Variants in ARHGEF28 observed in about 807,000 individuals in gnomAD.
ARHGEF28 encodes the protein Rho guanine nucleotide exchange factor 28, also known as 190 kDa guanine nucleotide exchange factor.
In ARHGEF28, 152 loss-of-function variants were observed where a neutral mutation model predicts 206.6. That is an observed-to-expected ratio of 0.74 (90% CI 0.64 to 0.84). The LOEUF (loss-of-function observed/expected upper bound fraction) is 0.84, where lower values mean the gene tolerates loss of function less well. ARHGEF28 is among the 40% of genes least tolerant of loss of function. The probability of loss-of-function intolerance (pLI) is 0.00; values close to 1 mark genes in which losing one functional copy is unlikely to be tolerated. For missense variants in ARHGEF28, 2,028 were observed against 2,073.2 expected (o/e 0.98, Z 0.42); for synonymous variants, 763 against 776.4 (o/e 0.98, Z 0.29).
At chr5:73,854,436 A>G (rs747773031) in intron 14 of ARHGEF28, among the ~76,000 whole-genome samples, 37 of 152,138 alleles carry the variant, frequency 2.4e-4, no homozygotes, top group Non-Finnish European at 4.6e-4. Context: ...AATCTATTGT[A>G]TGTATTTCCT....
intron 4 of ARHGEF28, among the ~76,000 whole-genome samples, chr5:73,769,767 C>A (rs549155118): frequency 6.6e-6 from 1 of 152,278 alleles, no homozygotes; most frequent in African/African-American, 2.4e-5. Context: ...TTTCCTCTAG[C>A]AGTGATTGTG....
intron 1 of ARHGEF28, among the ~76,000 whole-genome samples, chr5:73,676,619 G>T (rs1048747434): frequency 6.6e-6 from 1 of 152,186 alleles, no homozygotes; most frequent in Non-Finnish European, 1.5e-5. Flanking sequence ...TTCTCAAGGA[G>T]GGGGAAGGTG....
rs1041295538 is a variant in ARHGEF28 at position 73,785,074 on chromosome 5, A to G, written c.910+4329A>G. 1.3e-4 allele frequency among the ~76,000 whole-genome samples: 20 copies of G among 152,160 alleles called. 1 individual carries two copies. Among genetic ancestry groups the G allele is most frequent in the African/African-American group, 4.6e-4 (19 of 41,446 alleles). On this transcript the variant is annotated intron_variant, in intron 7 of 35. Transcript: ENST00000513042. ...ACTACTCAAGAATGGTCTGCAATTT[A>G]AAAAAATGTAGGAATTATTTCTGGA...
intron 2 of ARHGEF28, among the ~76,000 whole-genome samples, chr5:73,696,076 A>G (rs1452425714): frequency 6.6e-6 from 1 of 152,174 alleles, no homozygotes; most frequent in Non-Finnish European, 1.5e-5. Context: ...GTTACCCTTC[A>G]TTACATTGCA....
chr5:73,897,406 C>G (rs1208225798), intron 29 of ARHGEF28, among the ~76,000 whole-genome samples: 1 of 152,162 alleles, frequency 6.6e-6, no homozygotes, highest in Non-Finnish European at 1.5e-5. Flanking sequence ...CCTGTTTTCT[C>G]CTCCAGAGAA....
At chr5:73,917,805 A>C (rs1352275349) in intron 35 of ARHGEF28, among the ~76,000 whole-genome samples, 5 of 152,218 alleles carry the variant, frequency 3.3e-5, no homozygotes, top group Admixed American at 3.3e-4. Context: ...AAAATGAAAA[A>C]AATAATACAT....
Position 73,742,722 on chromosome 5 carries a change from G to T in ARHGEF28, c.34-7115G>T, listed in dbSNP as rs1265000223. The stretch of plus-strand genomic sequence containing the variant: ...GCCTGTAGTCCCAGCTACTCGGGAG[G>T]CTGAGGCAGGAGAATGGCGTGAACC... On this transcript the variant is annotated intron_variant, in intron 2 of 35. Transcript: ENST00000513042. Among the ~76,000 whole-genome samples the T allele has an allele frequency of 1.4e-4, 21 of 150,350 alleles. 1 individual carries two copies. Among genetic ancestry groups the T allele is most frequent in the Admixed American group, 1.4e-3 (21 of 15,092 alleles).
At chr5:73,826,985 C>T (rs188708225) in intron 9 of ARHGEF28, among the ~76,000 whole-genome samples, 1 of 152,238 alleles carries the variant, frequency 6.6e-6, no homozygotes, top group Admixed American at 6.5e-5. Context: ...TGGCCCGAGT[C>T]CACTTCATCA....
At chr5:73,884,370 G>T (rs1195165168) in intron 24 of ARHGEF28, among the ~76,000 whole-genome samples, 1 of 152,218 alleles carries the variant, frequency 6.6e-6, no homozygotes, top group Non-Finnish European at 1.5e-5. Flanking sequence ...AGCTATGAAT[G>T]CACATGGCTG....
At chr5:73,642,261 A>G (rs190917519) in intron 1 of ARHGEF28, among the ~76,000 whole-genome samples, 20 of 152,284 alleles carry the variant, frequency 1.3e-4, no homozygotes, top group African/African-American at 4.3e-4. Context: ...TCTATGTTAG[A>G]TATCTGTCTG....
intron 35 of ARHGEF28, among the ~76,000 whole-genome samples, chr5:73,917,489 TG>T (rs1462279970): frequency 6.6e-6 from 1 of 152,236 alleles, no homozygotes; most frequent in Non-Finnish European, 1.5e-5. Flanking sequence ...TTGTAGAGCC[TG>T]GTGAGCCAGG....
At chr5:73,837,815 C>G (rs950172664) in intron 10 of ARHGEF28, among the ~76,000 whole-genome samples, 4 of 150,300 alleles carry the variant, frequency 2.7e-5, no homozygotes, top group Admixed American at 2.0e-4. Context: ...CATCTTGGCT[C>G]ACTGCAATCT....
At chr5:73,835,917 G>A (rs1037391884) in intron 10 of ARHGEF28, among the ~76,000 whole-genome samples, 23 of 152,096 alleles carry the variant, frequency 1.5e-4, no homozygotes, top group African/African-American at 2.4e-5. Flanking sequence ...GCTGCATGTC[G>A]GGGGAAAACC....
intron 16 of ARHGEF28, among the ~76,000 whole-genome samples, chr5:73,862,084 T>C (rs1417041353): frequency 6.6e-6 from 1 of 152,160 alleles, no homozygotes; most frequent in Non-Finnish European, 1.5e-5. Context: ...AATTCTTGGG[T>C]AATTTTCTTC....
chr5:73,708,325 G>A (rs983261136), intron 2 of ARHGEF28, among the ~76,000 whole-genome samples: 5 of 152,022 alleles, frequency 3.3e-5, no homozygotes, highest in African/African-American at 1.2e-4. Context: ...GTAGCCAATA[G>A]GTAGTTTTTC....
At chr5:73,914,220 C>T (rs1195479958) in intron 35 of ARHGEF28, among the ~76,000 whole-genome samples, 2 of 152,006 alleles carry the variant, frequency 1.3e-5, no homozygotes, top group Admixed American at 1.3e-4. Context: ...ATTTAATACT[C>T]ACAACAACCC....
chr5:73,660,740 A>C (rs757633530), intron 1 of ARHGEF28, among the ~76,000 whole-genome samples: 3 of 152,224 alleles, frequency 2.0e-5, no homozygotes, highest in Non-Finnish European at 2.9e-5. Flanking sequence ...TACCAGGTAC[A>C]TTGTCAGTGA....
intron 4 of ARHGEF28, 41 bp from the exon 5 acceptor site, chr5:73,773,814 A>T: frequency 1.3e-6 from 2 of 1,497,484 alleles, no homozygotes; most frequent in Non-Finnish European, 1.8e-6. Context: ...CAAACTTTGT[A>T]AATGGAGGAA....
chr5:73,715,672 A>G (rs1387612401), intron 2 of ARHGEF28, among the ~76,000 whole-genome samples: 2 of 152,226 alleles, frequency 1.3e-5, no homozygotes, highest in African/African-American at 2.4e-5. Flanking sequence ...GATTTTACCT[A>G]TAGCTCATAG....
Sources: allele counts gnomAD v4.1 joint callset (sites outside exome capture counted in the v4.1 genomes callset), GRCh38; gene constraint gnomAD v4.1.1; transcripts MANE v1.5; gene names NCBI Gene and HGNC (gene_info 2026-07-23, HGNC 2026-07-21).